The following GCDH variants were observed in gnomAD, a reference collection of about 807,000 sequenced individuals.
The protein encoded by GCDH is glutaryl-CoA dehydrogenase, mitochondrial.
In GCDH, 31 loss-of-function variants were observed where a neutral mutation model predicts 52.8. The ratio of observed to expected loss-of-function variants is 0.59; its 90% CI spans 0.44 to 0.79. The LOEUF is 0.79. Ranked by LOEUF, GCDH falls within the 30% of genes least tolerant of loss-of-function variation. The probability of loss-of-function intolerance (pLI) is 0.00; values close to 1 mark genes in which losing one functional copy is unlikely to be tolerated. For missense variants in GCDH, 509 were observed against 595.0 expected (o/e 0.86, Z 1.50); for synonymous variants, 242 against 250.0 (o/e 0.97, Z 0.30).
intron 3 of GCDH, 83 bp downstream of exon 3, chr19:12,891,605 G>A: frequency 1.2e-6 from 2 of 1,612,760 alleles, no homozygotes; most frequent in African/African-American, 1.3e-5. Flanking sequence ...CCCAGAATCC[G>A]AGAGCTGCCC....
At chr19:12,892,435 G>A (rs977055207) in intron 5 of GCDH, 5 of 570,324 alleles carry the variant, frequency 8.8e-6, no homozygotes, top group Non-Finnish European at 1.6e-5. Context: ...GGGATTACAG[G>A]TATGTGCCAC....
chr19:12,892,171 C>T lies in GCDH; in HGVS notation c.327C>T (p.Thr109=). 6.2e-7 allele frequency: 1 copy of T among 1,613,828 alleles called. No homozygotes were observed. The highest frequency in any genetic ancestry group is 8.5e-7 in the Non-Finnish European group (1 of 1,179,708). ...EMGELGVLGP[T]IKGYGCAGVS... is the part of the protein sequence containing the mutation. ...GGGAGTTGGGTGTGCTGGGCCCCAC[C>T]ATCAAAGGTAGGAACAAGTATCTCT... The change falls in exon 5 of 12, where the codon ACC becomes ACT. Residue 109 remains threonine, a synonymous_variant. Coordinates refer to ENST00000222214, the MANE Select transcript of GCDH (RefSeq NM_000159.4).
Position 12,891,201 on chromosome 19 carries a change from A to T in GCDH, c.-36A>T. On this transcript the variant is annotated splice_region_variant and 5_prime_UTR_variant, in exon 1 of 12. Transcript: ENST00000222214. Reference sequence around the variant, plus strand: ...CGGCAGTGAACCGGGAGGTACTACCAGGTAAGGAAGGTGCGGTAGCCCCAG... The same window carrying T: ...CGGCAGTGAACCGGGAGGTACTACCTGGTAAGGAAGGTGCGGTAGCCCCAG... The T allele has an allele frequency of 1.2e-6, 1 of 838,728 alleles. No homozygotes were observed. The highest frequency in any genetic ancestry group is 2.0e-6 in the Non-Finnish European group (1 of 508,352). The allele number at this position is 838,728 out of a possible 1,614,324, so 52.0% of individuals were successfully genotyped here. A position where few individuals can be genotyped will look rare whatever the true frequency, so the allele number is the denominator to read the frequency against.
chr19:12,894,430 T>G (rs1599611720), intron 6 of GCDH: 1 of 748,768 alleles, frequency 1.3e-6, no homozygotes, highest in East Asian at 2.6e-5. Flanking sequence ...AGTTCATGGT[T>G]GCATCGTGGA....
In GCDH at chr19:12,896,089, CAA is replaced by C; in HGVS notation, c.604_605del (p.Lys202GlufsTer27). On this transcript the variant is annotated frameshift_variant, in exon 7 of 12. Transcript: ENST00000222214. LOFTEE classifies it high-confidence loss of function. The surrounding 1 kb of genome is among the most constrained non-coding windows in gnomAD (Gnocchi z 5.5). ...ETRAHYNSSN[K>X]SYTLNGTKTW... ...CCAGAGCCCACTACAACTCATCCAA[CAA>C]GAGCTACACCCTCAATGGGACCAAG... 6.2e-7 allele frequency: 1 copy of C among 1,614,116 alleles called. No individual in the cohort carries two copies. The highest frequency in any genetic ancestry group is 1.3e-5 in the African/African-American group (1 of 75,034).
chr19:12,894,442 G>T, intron 6 of GCDH: 1 of 744,058 alleles, frequency 1.3e-6, no homozygotes, highest in Non-Finnish European at 2.5e-6. Context: ...CATCGTGGAT[G>T]CCAATCTGAG....
chr19:12,894,912 G>GC (rs903306859), intron 6 of GCDH: 6 of 190,864 alleles, frequency 3.1e-5, no homozygotes, highest in Admixed American at 9.1e-5. Context: ...GATCAGATTC[G>GC]CAAAAAAAAA....
At position 12,893,761 on chromosome 19, in the gene GCDH, C is replaced by T. The variant is rs1049508902; in HGVS notation, c.505+108C>T. On this transcript the variant is annotated intron_variant, in intron 6 of 11. Transcript: ENST00000222214. ...TATTCTGTCCCTATCTCAAAGATAG[C>T]ATAAGTGGCCACCTGGACCCCCGCC... 5.7e-6 allele frequency: 6 copies of T among 1,048,964 alleles called. No individual in the cohort carries two copies. The African/African-American group carries it at 6.2e-5, about 11-fold the overall frequency. 65.0% of individuals were successfully genotyped at this position (1,048,964 alleles called of 1,614,324 possible). A position where few individuals can be genotyped will look rare whatever the true frequency, so the allele number is the denominator to read the frequency against.
intron 5 of GCDH, 38 bp downstream of exon 5, chr19:12,892,216 CTG>C (rs745805557): frequency 5.2e-6 from 8 of 1,538,416 alleles, no homozygotes; most frequent in Non-Finnish European, 7.2e-6. Context: ...GCAGAACCCT[CTG>C]TATTCTGAAA....
At chr19:12,892,868 C>CCG (rs1970591803) in intron 5 of GCDH, among the ~76,000 whole-genome samples, 1 of 150,596 alleles carries the variant, frequency 6.6e-6, no homozygotes, top group African/African-American at 2.4e-5. Context: ...CCACCGTTGC[C>CCG]CGGCCCTTTT....
chr19:12,898,709 G>A (rs1970755355), intron 11 of GCDH: 1 of 157,206 alleles, frequency 6.4e-6, no homozygotes, highest in Admixed American at 6.1e-5. Context: ...TTGAGCCCAG[G>A]AGTTAGAAGT....
rs142967670 is a variant in GCDH, at chr19:12,891,965, C to A, written c.262C>A (p.Arg88Ser). Residue 88 changes from arginine (R) to serine (S), a missense_variant, in exon 4 of 12, where the codon CGC becomes AGC. Physicochemically the swap from Arg to Ser is moderately radical, Grantham distance 110. Coordinates refer to ENST00000222214, the MANE Select transcript of GCDH (RefSeq NM_000159.4). ...CATGCCTCGCATCCTGTTGGCCAAT[C>A]GCAACGAAGGTGGGCGGGCTGGTGG... Reference protein sequence around the residue: ...RLMPRILLANRNEVFHREIIS... With the variant: ...RLMPRILLANSNEVFHREIIS... 3.9e-5 allele frequency: 63 copies of A among 1,614,102 alleles called. No homozygotes were observed. Among genetic ancestry groups the A allele is most frequent in the Non-Finnish European group, 5.3e-5 (63 of 1,180,050 alleles).
intron 5 of GCDH, among the ~76,000 whole-genome samples, chr19:12,892,908 C>T (rs1447422012): frequency 3.7e-5 from 5 of 133,546 alleles, no homozygotes; most frequent in African/African-American, 5.7e-5. Context: ...GATGGAGTTT[C>T]GCTCTGTCAC....
rs1568424706 is a variant in GCDH, at chr19:12,891,866, G to A, written c.163G>A (p.Val55Met). The change falls in exon 4 of 12, where the codon GTG (valine) becomes ATG (methionine). Residue 55 changes from valine (V) to methionine (M), a missense_variant. Physicochemically the swap from Val to Met is conservative, Grantham distance 21 (BLOSUM62 1). Coordinates refer to ENST00000222214, the MANE Select transcript of GCDH (RefSeq NM_000159.4). ...RPEFDWQDPL[V>M]LEEQLTTDEI... ...CGAGTTTGACTGGCAGGACCCGCTGGTGCTGGAGGAGCAGCTGACCACAGA... is the reference window on the plus strand; with the variant it reads ...CGAGTTTGACTGGCAGGACCCGCTGATGCTGGAGGAGCAGCTGACCACAGA... 1 of 1,614,054 alleles carries A rather than the reference G, an allele frequency of 6.2e-7. No individual in the cohort carries two copies. Among genetic ancestry groups the A allele is most frequent in the East Asian group, 2.2e-5 (1 of 44,880 alleles).
At chr19:12,891,584 G>A (rs759689270) in intron 3 of GCDH, 62 bp downstream of exon 3, 3 of 1,613,638 alleles carry the variant, frequency 1.9e-6, no homozygotes, top group Admixed American at 1.7e-5. Flanking sequence ...TCTGCCGCAG[G>A]TGGACTCTGT....
chr19:12,899,396 A>G, intron 11 of GCDH, 72 bp from the exon 12 acceptor site: 4 of 1,614,136 alleles, frequency 2.5e-6, no homozygotes, highest in Non-Finnish European at 3.4e-6. Flanking sequence ...CTGGGGATAC[A>G]TGAAAATTGA....
At chr19:12,895,845 C>G in intron 6 of GCDH, 147 bp from the exon 7 acceptor site, 1 of 863,720 alleles carries the variant, frequency 1.2e-6, no homozygotes, top group Non-Finnish European at 1.9e-6. Context: ...GTCTGGAACT[C>G]CTGACCTCAA....
At chr19:12,895,942 G>C (rs771072724) in intron 6 of GCDH, 50 bp from the exon 7 acceptor site, 2 of 1,610,882 alleles carry the variant, frequency 1.2e-6, no homozygotes, top group Non-Finnish European at 1.7e-6. Context: ...TTTGAGTAAG[G>C]GGATGTATCA....
At position 12,897,934 on chromosome 19, in the gene GCDH, G is replaced by A. The variant is rs1970726146; in HGVS notation, c.1243+71G>A. The A allele has an allele frequency of 2.9e-6, 4 of 1,358,748 alleles. No individual in the cohort carries two copies. In the Admixed American group the frequency reaches 5.4e-5, roughly 18 times the overall value. 84.2% of individuals were successfully genotyped at this position (1,358,748 alleles called of 1,614,324 possible). A position where few individuals can be genotyped will look rare whatever the true frequency, so the allele number is the denominator to read the frequency against. On this transcript the variant is annotated intron_variant, in intron 11 of 11. Coordinates refer to ENST00000222214, the MANE Select transcript of GCDH (RefSeq NM_000159.4). ...GGAGGGGGTACAGGGAGGTGGGACG[G>A]GGACAGGTCTGAGTCCAACTCCACC...
Sources: gnomAD v4.1 joint callset for allele counts (sites outside exome capture counted in the v4.1 genomes callset) on GRCh38, gnomAD v4.1.1 for gene constraint, Gnocchi (gnomAD v3.1) non-coding constraint, MANE v1.5 for transcripts, NCBI Gene and HGNC (gene_info 2026-07-23, HGNC 2026-07-21) for gene names.